Variants in SMYD3 observed in about 807,000 individuals in gnomAD.
SMYD3 encodes the protein SET and MYND domain containing 3, also known as histone-lysine N-methyltransferase SMYD3.
Under a neutral mutation model 57.7 loss-of-function variants are expected in SMYD3, and 36 were observed. The ratio of observed to expected loss-of-function variants is 0.62; its 90% CI spans 0.48 to 0.82. SMYD3 has a LOEUF of 0.82. Ranked by LOEUF, SMYD3 falls within the 40% of genes least tolerant of loss-of-function variation. SMYD3 has a pLI of 0.00. For synonymous variants in SMYD3, 211 were observed against 195.0 expected, an observed-to-expected ratio of 1.08 and a Z score of -0.68; for missense variants, 515 against 538.8, an observed-to-expected ratio of 0.96 and a Z score of 0.44.
rs1309872022 is a variant in SMYD3 at position 246,248,631 on chromosome 1, C to CTTGTTTTTTTTTT, written c.531+78569_531+78570insAAAAAAAAAACAA. Among the ~76,000 whole-genome samples, 168 of 119,204 alleles carry CTTGTTTTTTTTTT rather than the reference C, an allele frequency of 1.4e-3. 15 individuals carry two copies. The highest frequency in any genetic ancestry group is 5.9e-3 in the East Asian group (20 of 3,388). 78.2% of individuals were successfully genotyped at this position (119,204 alleles called of 152,430 possible). The stretch of plus-strand genomic sequence containing the variant: ...GGCCAGTTATGCAAAAGCTCTCTGA[C>CTTGTTTTTTTTTT]TTTCCTTTTTTTTTTTTTTTTTTTT... On this transcript the variant is annotated intron_variant, in intron 5 of 11. Coordinates refer to ENST00000490107, the MANE Select transcript of SMYD3 (RefSeq NM_001167740.2).
intron 5 of SMYD3, among the ~76,000 whole-genome samples, chr1:246,316,472 G>T (rs1303660337): frequency 1.3e-5 from 2 of 149,332 alleles, no homozygotes; most frequent in African/African-American, 4.9e-5. Flanking sequence ...GGAGTCTCAT[G>T]CCTCAGCATT....
chr1:246,194,228 T>G (rs373842110), intron 5 of SMYD3, among the ~76,000 whole-genome samples: 3 of 116,572 alleles, frequency 2.6e-5, no homozygotes, highest in African/African-American at 9.5e-5. Flanking sequence ...AAGTAAACAT[T>G]TTTTTGAACA....
chr1:245,921,670 A>G (rs557342977), intron 7 of SMYD3, among the ~76,000 whole-genome samples: 66 of 152,162 alleles, frequency 4.3e-4, no homozygotes, highest in Middle Eastern at 3.4e-3. Context: ...AAGCAAATCA[A>G]TGCAGAAACA....
At chr1:246,028,131 T>G (rs2059608317) in intron 5 of SMYD3, among the ~76,000 whole-genome samples, 1 of 151,992 alleles carries the variant, frequency 6.6e-6, no homozygotes, top group African/African-American at 2.4e-5. Context: ...GCTGACAAAC[T>G]GAAAAACCTA....
chr1:246,239,949 T>TC (rs2063579179), intron 5 of SMYD3, among the ~76,000 whole-genome samples: 1 of 151,918 alleles, frequency 6.6e-6, no homozygotes, highest in African/African-American at 2.4e-5. Flanking sequence ...TTGATTTTTT[T>TC]TTGTAAATTT....
chr1:246,287,891 A>AATTTT, intron 5 of SMYD3, among the ~76,000 whole-genome samples: 1 of 152,246 alleles, frequency 6.6e-6, no homozygotes, highest in Middle Eastern at 3.4e-3. Context: ...ATGAGGGCTG[A>AATTTT]AAACGGAATG....
intron 10 of SMYD3, among the ~76,000 whole-genome samples, chr1:245,799,937 T>C (rs2047772511): frequency 6.6e-6 from 1 of 152,202 alleles, no homozygotes; most frequent in Admixed American, 6.5e-5. Flanking sequence ...GCACTGGAAT[T>C]CACACCAATG....
intron 5 of SMYD3, among the ~76,000 whole-genome samples, chr1:246,245,162 G>C (rs1250137589): frequency 4.7e-5 from 6 of 126,778 alleles, no homozygotes; most frequent in Admixed American, 1.6e-4. Flanking sequence ...CCAAGATGAA[G>C]TTTAAAAATA....
At chr1:246,245,120 C>CTTTTTTTTTTTTTTTTTTTTTTT (rs74163421) in intron 5 of SMYD3, among the ~76,000 whole-genome samples, 7 of 122,944 alleles carry the variant, frequency 5.7e-5, no homozygotes, top group African/African-American at 9.2e-5. Flanking sequence ...CAGCTACTGC[C>CTTTTTTTTTTTTTTTTTTTTTTT]TTTTTTTTTT....
At chr1:245,805,140 C>T (rs2048091275) in intron 10 of SMYD3, among the ~76,000 whole-genome samples, 1 of 150,704 alleles carries the variant, frequency 6.6e-6, no homozygotes, top group Non-Finnish European at 1.5e-5. Context: ...AATAGAATTT[C>T]CTGGTAAGTG....
intron 1 of SMYD3, among the ~76,000 whole-genome samples, chr1:246,485,855 T>C (rs983149979): frequency 1.3e-5 from 2 of 152,178 alleles, no homozygotes; most frequent in Non-Finnish European, 2.9e-5. Flanking sequence ...AGCTACATAA[T>C]TTGAGCAAGA....
At chr1:245,785,200 G>A (rs531687963) in intron 10 of SMYD3, among the ~76,000 whole-genome samples, 21 of 151,982 alleles carry the variant, frequency 1.4e-4, no homozygotes, top group African/African-American at 5.1e-4. Context: ...TTTTTTGATG[G>A]GGAAATGGTA....
intron 1 of SMYD3, among the ~76,000 whole-genome samples, chr1:246,452,987 GA>G (rs1347387448): frequency 6.6e-6 from 1 of 151,734 alleles, no homozygotes; most frequent in Non-Finnish European, 1.5e-5. Context: ...CAATGCAAGG[GA>G]AAAAAAATCT....
intron 1 of SMYD3, among the ~76,000 whole-genome samples, chr1:246,440,204 A>G (rs1456878659): frequency 6.6e-6 from 1 of 152,168 alleles, no homozygotes; most frequent in Non-Finnish European, 1.5e-5. Context: ...CACAAAAAAT[A>G]TATAGATAGA....
chr1:246,114,764 T>G (rs2061315059), intron 5 of SMYD3, among the ~76,000 whole-genome samples: 1 of 152,142 alleles, frequency 6.6e-6, no homozygotes, highest in Non-Finnish European at 1.5e-5. Flanking sequence ...CCGAGGAGCT[T>G]GGGATTACAG....
At chr1:246,293,920 T>C (rs1437886764) in intron 5 of SMYD3, among the ~76,000 whole-genome samples, 1 of 152,156 alleles carries the variant, frequency 6.6e-6, no homozygotes. Context: ...CAATGAACCT[T>C]TTCAGTCCTC....
chr1:246,444,025 A>C (rs2067511398), intron 1 of SMYD3, among the ~76,000 whole-genome samples: 1 of 152,160 alleles, frequency 6.6e-6, no homozygotes, highest in Admixed American at 6.5e-5. Context: ...GAAATAAGGT[A>C]TGGAGTCCTG....
At chr1:246,185,961 G>A (rs989346466) in intron 5 of SMYD3, among the ~76,000 whole-genome samples, 3 of 152,058 alleles carry the variant, frequency 2.0e-5, no homozygotes, top group Non-Finnish European at 4.4e-5. Flanking sequence ...ATATTAAATT[G>A]TAGAATAACA....
At chr1:245,815,789 G>A (rs904749518) in intron 10 of SMYD3, among the ~76,000 whole-genome samples, 1 of 152,186 alleles carries the variant, frequency 6.6e-6, no homozygotes, top group Non-Finnish European at 1.5e-5. Flanking sequence ...AATGAAAATC[G>A]CTGTTTTTAC....
Sources: allele counts gnomAD v4.1 joint callset (sites outside exome capture counted in the v4.1 genomes callset), GRCh38; gene constraint gnomAD v4.1.1; transcripts MANE v1.5; gene names NCBI Gene and HGNC (gene_info 2026-07-23, HGNC 2026-07-21).